The following EPCIP variants were observed in gnomAD, a reference collection of about 807,000 sequenced individuals.
EPCIP encodes the protein exosomal polycystin-1-interacting protein.
chr21:32,809,285 T>C, the EPCIP span, among the ~76,000 whole-genome samples: 180 of 102,448 alleles, frequency 1.8e-3, 8 homozygotes, highest in Non-Finnish European at 1.2e-3. Flanking sequence ...CCTTCCTTTC[T>C]TTCTTTCTTT....
chr21:32,797,146 G>T, the EPCIP span: 1 of 347,572 alleles, frequency 2.9e-6, no homozygotes, highest in Non-Finnish European at 5.9e-6. Flanking sequence ...CATGCCTAGT[G>T]GGGGAAGGCT....
the EPCIP span, among the ~76,000 whole-genome samples, chr21:32,811,909 G>A: frequency 1.3e-5 from 2 of 152,164 alleles, no homozygotes; most frequent in Admixed American, 6.5e-5. Context: ...TTATGTGTGT[G>A]CACATGTTCT....
At chr21:32,791,519 TC>T in the EPCIP span, 2 of 152,176 alleles carry the variant, frequency 1.3e-5, no homozygotes, top group African/African-American at 4.8e-5. Flanking sequence ...TTTCCCCTTT[TC>T]CTTATTTTTT....
chr21:32,797,804 C>T, the EPCIP span: 1 of 152,206 alleles, frequency 6.6e-6, no homozygotes, highest in Admixed American at 6.5e-5. Context: ...AAATAAACTG[C>T]TCACTTATTT....
chr21:32,813,177 T>G, the EPCIP span, among the ~76,000 whole-genome samples: 5 of 152,296 alleles, frequency 3.3e-5, no homozygotes, highest in African/African-American at 1.2e-4. Context: ...TCTCTTTTCC[T>G]TAATTGTTAT....
At chr21:32,799,080 A>G in the EPCIP span, 1 of 152,238 alleles carries the variant, frequency 6.6e-6, no homozygotes, top group East Asian at 1.9e-4. Flanking sequence ...GAGCCAATGA[A>G]TGGGATCAGC....
the EPCIP span, among the ~76,000 whole-genome samples, chr21:32,796,132 C>G: frequency 5.3e-5 from 8 of 152,042 alleles, no homozygotes; most frequent in African/African-American, 1.9e-4. Context: ...CAACTCAGAA[C>G]AAGACAACCC....
At chr21:32,803,561 T>G in the EPCIP span, among the ~76,000 whole-genome samples, 1 of 152,170 alleles carries the variant, frequency 6.6e-6, no homozygotes, top group Non-Finnish European at 1.5e-5. Flanking sequence ...AAAAAGGGAT[T>G]TTTAGCATTT....
the EPCIP span, among the ~76,000 whole-genome samples, chr21:32,812,232 T>C: frequency 6.6e-6 from 1 of 152,170 alleles, no homozygotes; most frequent in Non-Finnish European, 1.5e-5. Flanking sequence ...CCTTCAGGCT[T>C]TCCCCTTGAG....
chr21:32,804,884 A>G, the EPCIP span, among the ~76,000 whole-genome samples: 1 of 152,232 alleles, frequency 6.6e-6, no homozygotes, highest in African/African-American at 2.4e-5. Context: ...CAGCAGGAAT[A>G]TGGGATGTGA....
At chr21:32,799,242 C>T in the EPCIP span, among the ~76,000 whole-genome samples, 1 of 152,170 alleles carries the variant, frequency 6.6e-6, no homozygotes, top group African/African-American at 2.4e-5. Flanking sequence ...CAACTCTACT[C>T]CTCTCAGTCT....
chr21:32,810,655 C>T, the EPCIP span: 1 of 471,672 alleles, frequency 2.1e-6, no homozygotes. Flanking sequence ...GCATGCTGTC[C>T]TGTGAAGTTA....
chr21:32,790,945 G>A, the EPCIP span: 3 of 152,314 alleles, frequency 2.0e-5, no homozygotes, highest in East Asian at 5.8e-4. Context: ...ATAACAACCT[G>A]GAATTCCTCA....
the EPCIP span, among the ~76,000 whole-genome samples, chr21:32,809,302 T>TTCTTTCTC: frequency 1.4e-5 from 2 of 139,862 alleles, no homozygotes; most frequent in Non-Finnish European, 3.1e-5. Context: ...CTTTCTTTCT[T>TTCTTTCTC]TCTTTCTTTC....
the EPCIP span, chr21:32,810,647 A>G: frequency 2.8e-5 from 13 of 471,606 alleles, no homozygotes; most frequent in Middle Eastern, 3.2e-4. Context: ...TGGTGCCTGC[A>G]TGCTGTCCTG....
the EPCIP span, among the ~76,000 whole-genome samples, chr21:32,810,246 C>CT: frequency 1.5e-3 from 96 of 65,674 alleles, 6 homozygotes; most frequent in African/African-American, 1.7e-3. Context: ...GGCATTTGAT[C>CT]TTTTTTTTTT....
the EPCIP span, among the ~76,000 whole-genome samples, chr21:32,809,335 T>TCTTTCTTTCTTC: frequency 6.9e-6 from 1 of 144,580 alleles, no homozygotes; most frequent in African/African-American, 2.6e-5. Flanking sequence ...TTTCTTTCTT[T>TCTTTCTTTCTTC]CTTTCTTTCC....
the EPCIP span, among the ~76,000 whole-genome samples, chr21:32,804,658 C>T: frequency 6.6e-6 from 1 of 152,148 alleles, no homozygotes; most frequent in African/African-American, 2.4e-5. Flanking sequence ...TTGTATCAAA[C>T]ATTTGACTAG....
chr21:32,794,040 T>C, the EPCIP span: 1 of 1,614,048 alleles, frequency 6.2e-7, no homozygotes, highest in African/African-American at 1.3e-5. Flanking sequence ...GCCTCCATGT[T>C]GATGCGCAGC....
Sources: allele counts gnomAD v4.1 joint callset (sites outside exome capture counted in the v4.1 genomes callset), GRCh38; gene constraint gnomAD v4.1.1; transcripts MANE v1.5; gene names NCBI Gene and HGNC (gene_info 2026-07-23, HGNC 2026-07-21).